Variants in ZNF131 observed in about 807,000 individuals in gnomAD.
ZNF131 encodes the protein zinc finger protein 131.
In ZNF131, 7 loss-of-function variants were observed where a neutral mutation model predicts 60.0. The observed-to-expected ratio is 0.12, with a 90% confidence interval of 0.07 to 0.22. The LOEUF (loss-of-function observed/expected upper bound fraction) is 0.22, where lower values mean the gene tolerates loss of function less well. Ranked by LOEUF, ZNF131 falls within the 10% of genes least tolerant of loss-of-function variation. The pLI is 1.00. For missense variants in ZNF131, 493 were observed against 740.9 expected (o/e 0.67, Z 3.88); for synonymous variants, 257 against 253.2 (o/e 1.01, Z -0.14).
chr5:43,147,756 A>G (rs1472492986), intron 4 of ZNF131, among the ~76,000 whole-genome samples: 1 of 148,922 alleles, frequency 6.7e-6, no homozygotes, highest in African/African-American at 2.5e-5. Context: ...AACAGTTTGG[A>G]AGTTTTTTGG....
At chr5:43,170,016 T>C (rs1004063355) in intron 5 of ZNF131, among the ~76,000 whole-genome samples, 18 of 152,096 alleles carry the variant, frequency 1.2e-4, no homozygotes, top group African/African-American at 4.3e-4. Context: ...GGTCTCAAAC[T>C]CCTGACCTTG....
At chr5:43,141,510 G>C (rs1427312066) in intron 4 of ZNF131, among the ~76,000 whole-genome samples, 4 of 152,136 alleles carry the variant, frequency 2.6e-5, no homozygotes, top group Non-Finnish European at 5.9e-5. Flanking sequence ...GCTGATACTT[G>C]TAATCCCAGC....
At chr5:43,159,666 G>T (rs1176605625) in intron 4 of ZNF131, among the ~76,000 whole-genome samples, 2 of 143,220 alleles carry the variant, frequency 1.4e-5, no homozygotes, top group African/African-American at 2.6e-5. Flanking sequence ...CTGCACTCCA[G>T]CCTGGGCCAC....
intron 3 of ZNF131, among the ~76,000 whole-genome samples, chr5:43,135,015 T>TC (rs1290083064): frequency 1.7e-5 from 2 of 119,882 alleles, no homozygotes; most frequent in South Asian, 5.5e-4. Context: ...CATTTTTTTT[T>TC]GAGACTGAGT....
intron 4 of ZNF131, among the ~76,000 whole-genome samples, chr5:43,147,439 A>C (rs1365976730): frequency 2.0e-5 from 3 of 148,744 alleles, no homozygotes; most frequent in Non-Finnish European, 4.4e-5. Context: ...ATTTTTTGAG[A>C]CGGAGTCTCG....
intron 4 of ZNF131, among the ~76,000 whole-genome samples, chr5:43,158,024 A>C (rs1180254916): frequency 6.6e-6 from 1 of 152,242 alleles, no homozygotes; most frequent in African/African-American, 2.4e-5. Context: ...GCTGGAGTGC[A>C]GTGGTGCCAT....
At chr5:43,136,271 G>A (rs1184981889) in intron 3 of ZNF131, among the ~76,000 whole-genome samples, 1 of 152,112 alleles carries the variant, frequency 6.6e-6, no homozygotes, top group Non-Finnish European at 1.5e-5. Flanking sequence ...AAACAGTTGT[G>A]ATCCCAAGCT....
intron 5 of ZNF131, among the ~76,000 whole-genome samples, chr5:43,169,376 T>C (rs369236990): frequency 6.6e-6 from 1 of 152,240 alleles, no homozygotes; most frequent in African/African-American, 2.4e-5. Context: ...TGGCACACAA[T>C]GAAAATTGAG....
intron 3 of ZNF131, among the ~76,000 whole-genome samples, chr5:43,132,505 CTTTTTTTTTT>C (rs4050538): frequency 3.2e-4 from 30 of 93,500 alleles, no homozygotes; most frequent in African/African-American, 9.7e-4. Flanking sequence ...GAATGGTATT[CTTTTTTTTTT>C]TTTTTTTTTT....
chr5:43,152,151 T>C (rs1748399116), intron 4 of ZNF131, among the ~76,000 whole-genome samples: 1 of 152,118 alleles, frequency 6.6e-6, no homozygotes. Flanking sequence ...TACAGGCACG[T>C]GCCACTAGGT....
At chr5:43,168,916 G>A (rs778808513) in intron 5 of ZNF131, among the ~76,000 whole-genome samples, 1 of 152,166 alleles carries the variant, frequency 6.6e-6, no homozygotes, top group Non-Finnish European at 1.5e-5. Context: ...TTGATTGGAG[G>A]CTAATTAACT....
chr5:43,144,371 G>A (rs1194757967), intron 4 of ZNF131, among the ~76,000 whole-genome samples: 1 of 148,094 alleles, frequency 6.8e-6, no homozygotes, highest in Non-Finnish European at 1.5e-5. Flanking sequence ...TGGGATTATA[G>A]GCGCTCACCA....
intron 5 of ZNF131, among the ~76,000 whole-genome samples, chr5:43,164,626 C>A (rs1488684491): frequency 6.6e-6 from 1 of 152,192 alleles, no homozygotes; most frequent in Non-Finnish European, 1.5e-5. Context: ...ACATTGCCTA[C>A]TGACTTTTAC....
chr5:43,148,407 A>G (rs1561418759), intron 4 of ZNF131, among the ~76,000 whole-genome samples: 2 of 152,234 alleles, frequency 1.3e-5, no homozygotes, highest in Non-Finnish European at 1.5e-5. Flanking sequence ...ATCCATTTAC[A>G]TATTTGTGTG....
chr5:43,165,210 T>C (rs986464861), intron 5 of ZNF131, among the ~76,000 whole-genome samples: 8 of 152,090 alleles, frequency 5.3e-5, no homozygotes, highest in African/African-American at 1.9e-4. Context: ...TATTTCTTTT[T>C]TTTTTTTTTT....
chr5:43,128,778 G>T (rs1303531592), intron 3 of ZNF131, among the ~76,000 whole-genome samples: 3 of 150,890 alleles, frequency 2.0e-5, no homozygotes, highest in Non-Finnish European at 4.4e-5. Flanking sequence ...TGGAGACAGG[G>T]TCTTGCTCTG....
intron 4 of ZNF131, among the ~76,000 whole-genome samples, chr5:43,158,879 T>G (rs1749293481): frequency 6.6e-6 from 1 of 151,344 alleles, no homozygotes; most frequent in South Asian, 2.1e-4. Flanking sequence ...TTATTCTCAA[T>G]GCCAAAAAAC....
intron 3 of ZNF131, among the ~76,000 whole-genome samples, chr5:43,131,822 TGGG>T (rs956799312): frequency 2.1e-5 from 3 of 142,616 alleles, no homozygotes; most frequent in African/African-American, 7.7e-5. Flanking sequence ...AAAAAAAAAA[TGGG>T]GGGACTTTAG....
intron 3 of ZNF131, among the ~76,000 whole-genome samples, chr5:43,134,087 G>C (rs747788349): frequency 2.0e-5 from 3 of 152,088 alleles, no homozygotes; most frequent in Non-Finnish European, 4.4e-5. Flanking sequence ...GAAAACTATA[G>C]CCCAATATCC....
Sources: gnomAD v4.1 joint callset for allele counts (sites outside exome capture counted in the v4.1 genomes callset) on GRCh38, gnomAD v4.1.1 for gene constraint, MANE v1.5 for transcripts, NCBI Gene and HGNC (gene_info 2026-07-23, HGNC 2026-07-21) for gene names.